Variants in PTPRS observed in about 807,000 individuals in gnomAD.
PTPRS encodes protein tyrosine phosphatase receptor type S.
A neutral mutation model predicts 215.3 loss-of-function variants in PTPRS; 63 were observed. The ratio of observed to expected loss-of-function variants is 0.29; its 90% CI spans 0.24 to 0.36. PTPRS has a LOEUF of 0.36. Ranked by LOEUF, PTPRS falls within the 10% of genes least tolerant of loss-of-function variation. PTPRS has a pLI of 1.00. For synonymous variants in PTPRS, 1,404 were observed against 1,191.4 expected, an observed-to-expected ratio of 1.18 and a Z score of -3.68; for missense variants, 2,258 against 2,825.8, an observed-to-expected ratio of 0.80 and a Z score of 4.56.
intron 36 of PTPRS, 77 bp from the exon 37 acceptor site, chr19:5,208,134 G>A (rs2040538876): frequency 1.3e-6 from 2 of 1,576,606 alleles, no homozygotes; most frequent in African/African-American, 1.3e-5. Flanking sequence ...GATTCCCCGA[G>A]GACTCTAACA....
intron 6 of PTPRS, 113 bp downstream of exon 6, chr19:5,262,851 T>G: frequency 8.6e-7 from 1 of 1,164,666 alleles, no homozygotes; most frequent in Non-Finnish European, 1.2e-6. Context: ...CCAGGCAGAG[T>G]GGGTCACAGT....
rs570461235 is a variant in PTPRS, at chr19:5,223,074, C to T, written c.2718G>A (p.Ala906=). ...HKGATYVFRL[A]ARSRGGLGEE... Reference sequence around the variant, plus strand: ...CGCCCAGGCCGCCGCGGCTCCGGGCCGCAAGCCGGAACACATACGTGGCCC... The same window carrying T: ...CGCCCAGGCCGCCGCGGCTCCGGGCTGCAAGCCGGAACACATACGTGGCCC... The change falls in exon 18 of 38, where the codon GCG becomes GCA. Residue 906 remains alanine, a synonymous_variant. Transcript: ENST00000262963. 5.4e-5 allele frequency: 84 copies of T among 1,556,452 alleles called. No homozygotes were observed. In the Admixed American group the frequency reaches 7.9e-4, roughly 15 times the overall value.
rs1419492875 is a variant in PTPRS at position 5,338,522 on chromosome 19, G to A, written c.-95+2142C>T. 6.6e-6 allele frequency among the ~76,000 whole-genome samples: 1 copy of A among 152,204 alleles called. No individual in the cohort carries two copies. The highest frequency in any genetic ancestry group is 1.5e-5 in the Non-Finnish European group (1 of 68,026). ...TTTGTGGAGGGCAGCGGGGGGGTAG[G>A]GGAGGGATGCCCAGGTGGGGACTCA... On this transcript the variant is annotated intron_variant, in intron 1 of 37. Transcript: ENST00000262963. The surrounding 1 kb of genome is among the most constrained non-coding windows in gnomAD (Gnocchi z 4.2).
intron 30 of PTPRS, among the ~76,000 whole-genome samples, chr19:5,213,261 G>A (rs942599534): frequency 3.4e-5 from 5 of 145,232 alleles, no homozygotes; most frequent in South Asian, 4.5e-4. Context: ...GAGGGCACCT[G>A]AGTCAGATCT....
In PTPRS at chr19:5,281,474, C is replaced by T. The variant is rs148318544; in HGVS notation, c.91+4576G>A. Among the ~76,000 whole-genome samples the T allele has an allele frequency of 7.9e-5, 12 of 152,046 alleles. No individual in the cohort carries two copies. The East Asian group carries it at 2.3e-3, about 29-fold the overall frequency. On this transcript the variant is annotated intron_variant, in intron 2 of 37. Transcript: ENST00000262963. ...AGACTCTGTCTCAAAAAACAAACCA[C>T]CACAAAAAAGATCACAGAGTTCAGA...
At chr19:5,309,765 C>G (rs755626078) in intron 1 of PTPRS, among the ~76,000 whole-genome samples, 1 of 152,146 alleles carries the variant, frequency 6.6e-6, no homozygotes, top group Non-Finnish European at 1.5e-5. Context: ...CTGCAAAATC[C>G]TTCTAGAATA....
chr19:5,317,864 C>T (rs538890843), intron 1 of PTPRS, among the ~76,000 whole-genome samples: 12 of 152,018 alleles, frequency 7.9e-5, no homozygotes, highest in Middle Eastern at 3.4e-3. Flanking sequence ...GGTGAAACCC[C>T]GTCTCCATTA....
chr19:5,325,917 C>A (rs17765170), intron 1 of PTPRS, among the ~76,000 whole-genome samples: 4,016 of 152,288 alleles, frequency 0.026, 169 homozygotes, highest in East Asian at 0.16. Flanking sequence ...AGGAGATGCC[C>A]CAAACAGTTG....
intron 30 of PTPRS, 30 bp downstream of exon 30, chr19:5,214,331 C>T: frequency 6.2e-7 from 1 of 1,613,782 alleles, no homozygotes; most frequent in Non-Finnish European, 8.5e-7. Flanking sequence ...TTCCTCCACC[C>T]TCAGCCCCCA....
At chr19:5,214,834 C>G in intron 28 of PTPRS, 98 bp from the exon 29 acceptor site, 1 of 1,237,954 alleles carries the variant, frequency 8.1e-7, no homozygotes, top group South Asian at 1.5e-5. Flanking sequence ...CTGACCGCTC[C>G]CAGATTGTCC....
At position 5,280,566 on chromosome 19, in the gene PTPRS, C is replaced by T. The variant is rs373796065; in HGVS notation, c.91+5484G>A. On this transcript the variant is annotated intron_variant, in intron 2 of 37. Coordinates refer to ENST00000262963, the MANE Select transcript of PTPRS (RefSeq NM_002850.4). The stretch of plus-strand genomic sequence containing the variant: ...AAACCCCGTCTCTACTAAAAAAATA[C>T]AAAAATCAGCCAGGCGTGGTGGCGG... Among the ~76,000 whole-genome samples the T allele has an allele frequency of 5.3e-5, 8 of 152,098 alleles. No individual in the cohort carries two copies. The South Asian group carries it at 1.5e-3, about 28-fold the overall frequency.
intron 1 of PTPRS, among the ~76,000 whole-genome samples, chr19:5,304,369 A>G (rs905615754): frequency 7.2e-5 from 11 of 152,220 alleles, no homozygotes; most frequent in Non-Finnish European, 1.6e-4. Context: ...AATCCCAGCT[A>G]CTTGGGAAGC....
chr19:5,312,470 G>A (rs550113831), intron 1 of PTPRS, among the ~76,000 whole-genome samples: 1 of 152,090 alleles, frequency 6.6e-6, no homozygotes, highest in South Asian at 2.1e-4. Context: ...GACCAGCCTG[G>A]CCAACATAAT....
At chr19:5,303,956 ATAAT>A (rs2049394053) in intron 1 of PTPRS, among the ~76,000 whole-genome samples, 1 of 151,248 alleles carries the variant, frequency 6.6e-6, no homozygotes, top group Non-Finnish European at 1.5e-5. Context: ...GTCTCAAAAA[ATAAT>A]AATAACAATA....
chr19:5,206,657 C>T lies in PTPRS; in HGVS notation c.*117G>A, dbSNP rs1054519920. On this transcript the variant is annotated 3_prime_UTR_variant, in exon 38 of 38. Coordinates refer to ENST00000262963, the MANE Select transcript of PTPRS (RefSeq NM_002850.4). Reference sequence around the variant, plus strand: ...CCTCGGAAATGGTGCAGAAACACAGCTGCTGCCGCTGCCACCTCCTGCCCT... The same window carrying T: ...CCTCGGAAATGGTGCAGAAACACAGTTGCTGCCGCTGCCACCTCCTGCCCT... 2 of 849,990 alleles carry T rather than the reference C, an allele frequency of 2.4e-6. No individual in the cohort carries two copies. The highest frequency in any genetic ancestry group is 3.8e-6 in the Non-Finnish European group (2 of 523,950). The allele number at this position is 849,990 out of a possible 1,614,324, so 52.7% of individuals were successfully genotyped here. A position where few individuals can be genotyped will look rare whatever the true frequency, so the allele number is the denominator to read the frequency against.
chr19:5,222,850 G>A lies in PTPRS; in HGVS notation c.2942C>T (p.Thr981Ile), dbSNP rs1484090676. The change falls in exon 18 of 38, where the codon ACT becomes ATT. Residue 981 changes from threonine to isoleucine, a missense_variant. Physicochemically the swap from Thr to Ile is moderately conservative, Grantham distance 89. This residue lies in a region of PTPRS where 361 missense variants were observed against 332.6 expected (regional missense o/e 1.09). Coordinates refer to ENST00000262963, the MANE Select transcript of PTPRS (RefSeq NM_002850.4). ...CGGCTCAGCCGCTGCCGGCAGCTCA[G>A]TCTCTCGGGCAGGGCCCAGGGCACC... ...EAGALGPARE[T>I]ELPAAAEPGA... The A allele has an allele frequency of 6.3e-7, 1 of 1,592,966 alleles. No individual in the cohort carries two copies.
At position 5,258,130 on chromosome 19, in the gene PTPRS, G is replaced by C. The variant is rs1215182660; in HGVS notation, c.596-3C>G. On this transcript the variant is annotated splice_polypyrimidine_tract_variant and splice_region_variant and intron_variant, in intron 7 of 37. Transcript: ENST00000262963. ...ACTGCTTTCAATCTGCAGGGCTCCT[G>C]TGGGAAGATGGGAAAAAGCTTGGTC... is the stretch of plus-strand genomic sequence containing the variant. The C allele has an allele frequency of 6.2e-7, 1 of 1,612,862 alleles. No individual in the cohort carries two copies. The highest frequency in any genetic ancestry group is 1.3e-5 in the African/African-American group (1 of 74,902).
intron 1 of PTPRS, among the ~76,000 whole-genome samples, chr19:5,320,627 T>C (rs62115122): frequency 0.33 from 49,837 of 151,760 alleles, 9,687 homozygotes; most frequent in African/African-American, 0.54. Flanking sequence ...GGTTTCGCCA[T>C]GTTGATCAGG....
intron 3 of PTPRS, 90 bp downstream of exon 3, chr19:5,274,109 C>G: frequency 6.6e-7 from 1 of 1,504,404 alleles, no homozygotes; most frequent in Non-Finnish European, 9.0e-7. Flanking sequence ...ACCTGGGGAA[C>G]GTGTCCACGA....
Sources: gnomAD v4.1 joint callset for allele counts (sites outside exome capture counted in the v4.1 genomes callset) on GRCh38, gnomAD v4.1.1 for gene constraint, gnomAD v4.1.1 regional missense constraint, Gnocchi (gnomAD v3.1) non-coding constraint, MANE v1.5 for transcripts, NCBI Gene and HGNC (gene_info 2026-07-23, HGNC 2026-07-21) for gene names.